Variants in PPP1R9A observed in about 807,000 individuals in gnomAD.
PPP1R9A encodes neurabin-1.
A neutral mutation model predicts 141.9 loss-of-function variants in PPP1R9A; 59 were observed. That is an observed-to-expected ratio of 0.42 (90% confidence interval 0.34 to 0.52). PPP1R9A has a LOEUF of 0.52. Among genes scored for constraint, PPP1R9A ranks in the 20% least tolerant of loss-of-function variants. The pLI, the probability that PPP1R9A is intolerant of heterozygous loss-of-function variation, is 0.10. For missense variants in PPP1R9A, 1,444 were observed against 1,611.9 expected (o/e 0.90, Z 1.78); for synonymous variants, 500 against 569.7 (o/e 0.88, Z 1.74).
At chr7:95,145,640 G>A (rs888121013) in intron 4 of PPP1R9A, among the ~76,000 whole-genome samples, 2 of 152,056 alleles carry the variant, frequency 1.3e-5, no homozygotes, top group Non-Finnish European at 2.9e-5. Flanking sequence ...TGGGCATGGC[G>A]GCTCACACCT....
intron 5 of PPP1R9A, among the ~76,000 whole-genome samples, chr7:95,167,102 A>T (rs1373111445): frequency 6.6e-6 from 1 of 152,196 alleles, no homozygotes; most frequent in East Asian, 1.9e-4. Flanking sequence ...TTACAGTTCC[A>T]TGTGGCTGGG....
intron 2 of PPP1R9A, among the ~76,000 whole-genome samples, chr7:95,078,201 A>G (rs562042221): frequency 3.5e-5 from 5 of 141,432 alleles, no homozygotes; most frequent in East Asian, 2.1e-4. Context: ...TCACTGTTCA[A>G]TTCCCACCTA....
At chr7:95,200,464 T>C (rs1789308965) in intron 6 of PPP1R9A, among the ~76,000 whole-genome samples, 2 of 151,756 alleles carry the variant, frequency 1.3e-5, no homozygotes, top group South Asian at 4.2e-4. Flanking sequence ...TTTTTTTTTA[T>C]AGATGAGGTC....
In PPP1R9A at chr7:95,269,395, C is replaced by G. The variant is rs61737467; in HGVS notation, c.3012C>G (p.Leu1004=). 4,183 of 1,597,616 alleles carry G rather than the reference C, an allele frequency of 2.6e-3. 75 individuals carry two copies. In the African/African-American group the frequency reaches 0.044, roughly 17 times the overall value. The change falls in exon 14 of 20, where the codon CTC becomes CTG. Residue 1004 remains leucine, a synonymous_variant. Coordinates refer to ENST00000433360, the MANE Select transcript of PPP1R9A (RefSeq NM_001166160.2). ...CACTGGACCCAGAAATGGGGCCTCT[C>G]TCCTCTATGTGGGGAGACACTTCAC... ...EEPLDPEMGP[L]SSMWGDTSLF...
chr7:94,940,285 C>G (rs1346712290), intron 2 of PPP1R9A, among the ~76,000 whole-genome samples: 1 of 151,928 alleles, frequency 6.6e-6, no homozygotes, highest in African/African-American at 2.4e-5. Flanking sequence ...TGTCATATAA[C>G]CATCTCTCAT....
intron 8 of PPP1R9A, among the ~76,000 whole-genome samples, chr7:95,234,405 C>T (rs1227637006): frequency 6.6e-6 from 1 of 152,102 alleles, no homozygotes; most frequent in African/African-American, 2.4e-5. Context: ...AGAATCGAAT[C>T]AAGAACTCAA....
chr7:95,069,424 G>A (rs1813450396), intron 2 of PPP1R9A, among the ~76,000 whole-genome samples: 1 of 152,130 alleles, frequency 6.6e-6, no homozygotes, highest in Non-Finnish European at 1.5e-5. Context: ...AGGGAGGGCA[G>A]TTAAAATGGA....
At chr7:94,909,602 G>A (rs1791224798) in intron 1 of PPP1R9A, among the ~76,000 whole-genome samples, 1 of 151,846 alleles carries the variant, frequency 6.6e-6, no homozygotes, top group Non-Finnish European at 1.5e-5. Context: ...TTGGGCTAAA[G>A]TATTGCTTTC....
At chr7:95,204,189 T>A (rs187150366) in intron 7 of PPP1R9A, among the ~76,000 whole-genome samples, 22 of 152,314 alleles carry the variant, frequency 1.4e-4, no homozygotes, top group Admixed American at 1.3e-3. Context: ...AGTATTTAGT[T>A]GCATGATTTA....
chr7:95,090,204 A>G (rs1252099327), intron 2 of PPP1R9A, among the ~76,000 whole-genome samples: 6 of 151,848 alleles, frequency 4.0e-5, no homozygotes, highest in Non-Finnish European at 1.5e-5. Flanking sequence ...TGCAAAGCAT[A>G]GTTTCAGTTT....
chr7:94,984,415 C>G (rs1443963543), intron 2 of PPP1R9A, among the ~76,000 whole-genome samples: 1 of 152,078 alleles, frequency 6.6e-6, no homozygotes, highest in African/African-American at 2.4e-5. Flanking sequence ...GGGACCAGCT[C>G]CTTTCTGTAC....
Position 94,943,804 on chromosome 7 carries a change from A to C in PPP1R9A, c.1395+32296A>C, listed in dbSNP as rs1795593477. 4.6e-5 allele frequency among the ~76,000 whole-genome samples: 7 copies of C among 152,204 alleles called. No homozygotes were observed. In the South Asian group the frequency reaches 1.4e-3, roughly 31 times the overall value. The stretch of plus-strand genomic sequence containing the variant: ...GCATGGAAAATAGTGATAGCTTATG[A>C]AAGAGTTTAGAAATGGATTTCTTGC... On this transcript the variant is annotated intron_variant, in intron 2 of 19. Transcript: ENST00000433360.
chr7:95,198,002 T>A (rs1461240991), intron 5 of PPP1R9A, among the ~76,000 whole-genome samples: 1 of 152,220 alleles, frequency 6.6e-6, no homozygotes, highest in African/African-American at 2.4e-5. Flanking sequence ...GCTTCTTTAG[T>A]TCAATGGTAC....
At chr7:94,984,659 C>T (rs1206857662) in intron 2 of PPP1R9A, among the ~76,000 whole-genome samples, 2 of 151,784 alleles carry the variant, frequency 1.3e-5, no homozygotes, top group South Asian at 4.2e-4. Flanking sequence ...TTTGTATTTC[C>T]TTGAGATCGG....
At chr7:95,273,277 C>G (rs2153054956) in intron 14 of PPP1R9A, among the ~76,000 whole-genome samples, 1 of 152,326 alleles carries the variant, frequency 6.6e-6, no homozygotes, top group Admixed American at 6.5e-5. Context: ...TAAGAAGGCC[C>G]TTTCAAAGAT....
chr7:95,078,812 C>A (rs1399797581), intron 2 of PPP1R9A, among the ~76,000 whole-genome samples: 2 of 151,594 alleles, frequency 1.3e-5, no homozygotes, highest in African/African-American at 2.4e-5. Flanking sequence ...CCTTCGCCCA[C>A]TTTTTGATGG....
intron 3 of PPP1R9A, among the ~76,000 whole-genome samples, chr7:95,115,193 A>C (rs1276797021): frequency 6.6e-6 from 1 of 152,182 alleles, no homozygotes; most frequent in Non-Finnish European, 1.5e-5. Flanking sequence ...TTGAAAGTAA[A>C]CTTATGCAAA....
chr7:95,148,905 G>C (rs1162627354), intron 4 of PPP1R9A, among the ~76,000 whole-genome samples: 1 of 150,880 alleles, frequency 6.6e-6, no homozygotes, highest in Non-Finnish European at 1.5e-5. Context: ...AATGTTACAA[G>C]AAAAGTAAAC....
chr7:95,249,503 G>A (rs1431072002), intron 9 of PPP1R9A, among the ~76,000 whole-genome samples: 1 of 152,008 alleles, frequency 6.6e-6, no homozygotes, highest in Non-Finnish European at 1.5e-5. Flanking sequence ...TCAATTACAT[G>A]TCCAAGGTTT....
Sources: gnomAD v4.1 joint callset for allele counts (sites outside exome capture counted in the v4.1 genomes callset) on GRCh38, gnomAD v4.1.1 for gene constraint, MANE v1.5 for transcripts, NCBI Gene and HGNC (gene_info 2026-07-23, HGNC 2026-07-21) for gene names.